The following ZFHX3 variants were observed in gnomAD, a reference collection of about 807,000 sequenced individuals.
ZFHX3 encodes the protein zinc finger homeobox 3, also known as zinc finger homeobox protein 3.
In ZFHX3, 42 loss-of-function variants were observed where a neutral mutation model predicts 279.1. That is an observed-to-expected ratio of 0.15 (90% CI 0.12 to 0.19). ZFHX3 has a LOEUF of 0.19. Among genes scored for constraint, ZFHX3 ranks in the 10% least tolerant of loss-of-function variants. The pLI, the probability that ZFHX3 is intolerant of heterozygous loss-of-function variation, is 1.00. For synonymous variants in ZFHX3, 2,293 were observed against 1,957.8 expected (o/e 1.17, Z -4.52); for missense variants, 4,981 against 4,754.0 (o/e 1.05, Z -1.40).
At chr16:73,840,673 T>C (rs1961279974) in intron 1 of ZFHX3, among the ~76,000 whole-genome samples, 1 of 152,170 alleles carries the variant, frequency 6.6e-6, no homozygotes, top group Non-Finnish European at 1.5e-5. Context: ...CACTGTACAG[T>C]TGTGGTTCTC....
chr16:73,268,518 T>C (rs1449347485), intron 4 of ZFHX3, among the ~76,000 whole-genome samples: 1 of 152,252 alleles, frequency 6.6e-6, no homozygotes, highest in African/African-American at 2.4e-5. Flanking sequence ...TGAATGGCTC[T>C]GGCATCTGTT....
chr16:73,786,015 C>A lies in ZFHX3; in HGVS notation c.-1608+105636G>T, dbSNP rs541200391. Among the ~76,000 whole-genome samples, 4 of 152,206 alleles carry A rather than the reference C, an allele frequency of 2.6e-5. No individual in the cohort carries two copies. The East Asian group carries it at 7.8e-4, about 30-fold the overall frequency. ...CCTTCTGAGTAGGTGGGATTACAGGCATGCACCACCACACTTGGCTAATTT... is the reference window on the plus strand; with the variant it reads ...CCTTCTGAGTAGGTGGGATTACAGGAATGCACCACCACACTTGGCTAATTT... On this transcript the variant is annotated intron_variant, in intron 1 of 17. Transcript: ENST00000641206.
At chr16:73,627,289 G>T (rs2052426101) in intron 2 of ZFHX3, among the ~76,000 whole-genome samples, 1 of 152,164 alleles carries the variant, frequency 6.6e-6, no homozygotes, top group Non-Finnish European at 1.5e-5. Context: ...AATTGAAGAG[G>T]TTGGCAGCAG....
intron 1 of ZFHX3, among the ~76,000 whole-genome samples, chr16:73,863,898 T>C (rs1487175390): frequency 6.6e-6 from 1 of 152,220 alleles, no homozygotes; most frequent in Non-Finnish European, 1.5e-5. Flanking sequence ...AATATGCATA[T>C]AGTCAAATTT....
At chr16:72,925,608 G>A (rs75805805) in intron 3 of ZFHX3, among the ~76,000 whole-genome samples, 2,093 of 152,328 alleles carry the variant, frequency 0.014, 47 homozygotes, top group East Asian at 0.037. Context: ...ACCCCGTCCC[G>A]TGTCTTTCCC....
chr16:73,348,068 T>C (rs2016154435), intron 3 of ZFHX3, among the ~76,000 whole-genome samples: 1 of 152,188 alleles, frequency 6.6e-6, no homozygotes, highest in African/African-American at 2.4e-5. Context: ...GTGACCTGCT[T>C]CATTCTCACT....
At chr16:73,445,682 A>C (rs1449751908) in intron 3 of ZFHX3, among the ~76,000 whole-genome samples, 2 of 152,150 alleles carry the variant, frequency 1.3e-5, no homozygotes, top group Non-Finnish European at 2.9e-5. Context: ...CAGAAACCCA[A>C]CTTCCAACTT....
At chr16:73,845,337 C>CT (rs2142374026) in intron 1 of ZFHX3, among the ~76,000 whole-genome samples, 1 of 152,270 alleles carries the variant, frequency 6.6e-6, no homozygotes, top group South Asian at 2.1e-4. Context: ...AACTGCCTGT[C>CT]TTTGATATCC....
chr16:73,525,485 T>C (rs1351808787), intron 2 of ZFHX3, among the ~76,000 whole-genome samples: 2 of 152,182 alleles, frequency 1.3e-5, no homozygotes, highest in African/African-American at 4.8e-5. Context: ...ATTCACTTAC[T>C]TAGTTTCAAG....
intron 4 of ZFHX3, among the ~76,000 whole-genome samples, chr16:72,830,708 C>T (rs2037041168): frequency 6.6e-6 from 1 of 152,182 alleles, no homozygotes; most frequent in Non-Finnish European, 1.5e-5. Flanking sequence ...GAATAAGATA[C>T]TCTAGATGCT....
chr16:72,882,795 A>G (rs1423709854), intron 4 of ZFHX3, among the ~76,000 whole-genome samples: 8 of 152,102 alleles, frequency 5.3e-5, no homozygotes. Flanking sequence ...TGGCTCTCAG[A>G]TTTCTTGCCT....
chr16:73,294,637 C>T (rs912957052), intron 4 of ZFHX3, among the ~76,000 whole-genome samples: 11 of 151,512 alleles, frequency 7.3e-5, no homozygotes, highest in Non-Finnish European at 7.4e-5. Context: ...ATGGTGAAAC[C>T]CTGTCTCTAC....
chr16:73,211,460 A>G (rs1360130411), intron 5 of ZFHX3, among the ~76,000 whole-genome samples: 3 of 152,202 alleles, frequency 2.0e-5, no homozygotes, highest in Non-Finnish European at 4.4e-5. Context: ...AAAGAGGCAA[A>G]GCACAGGGTA....
At position 73,777,019 on chromosome 16, in the gene ZFHX3, T is replaced by A. The variant is rs78901129; in HGVS notation, c.-1607-96779A>T. ...TAGGATTACTCTTCATCTTCTCCCA[T>A]GAACGTAGAGGAGGTATTGCATTCC... On this transcript the variant is annotated intron_variant, in intron 1 of 17. Coordinates refer to the ZFHX3 transcript ENST00000641206. Among the ~76,000 whole-genome samples the A allele has an allele frequency of 7.8e-3, 1,194 of 152,316 alleles. 16 individuals are homozygous for A. The highest frequency in any genetic ancestry group is 0.027 in the African/African-American group (1,143 of 41,566).
intron 2 of ZFHX3, among the ~76,000 whole-genome samples, chr16:73,470,696 T>C (rs929438672): frequency 6.6e-6 from 1 of 152,186 alleles, no homozygotes; most frequent in Non-Finnish European, 1.5e-5. Context: ...AAATTCCACT[T>C]TCAACAGATA....
In ZFHX3 at chr16:72,796,899, T is replaced by C. The variant is rs2143441239; in HGVS notation, c.5783A>G (p.Glu1928Gly). 1.9e-6 allele frequency: 3 copies of C among 1,613,794 alleles called. No individual in the cohort carries two copies. Among genetic ancestry groups the C allele is most frequent in the Non-Finnish European group, 2.5e-6 (3 of 1,179,988 alleles). The change falls in exon 9 of 10, where the codon GAG (glutamate) becomes GGG (glycine). Residue 1928 changes from glutamate (E) to glycine (G), a missense_variant. Physicochemically the swap from Glu to Gly is moderately conservative, Grantham distance 98. Coordinates refer to ENST00000268489, the MANE Select transcript of ZFHX3 (RefSeq NM_006885.4). ...KKELAPGGGS[E>G]PSMLPPRIAS... is the part of the protein sequence containing the mutation. ...AATGCGTGGAGGGAGCATGGAAGGC[T>C]CAGAACCACCCCCTGGTGCCAACTC... is the stretch of plus-strand genomic sequence containing the variant.
intron 5 of ZFHX3, among the ~76,000 whole-genome samples, chr16:73,186,377 C>T (rs1422719705): frequency 6.6e-6 from 1 of 151,946 alleles, no homozygotes; most frequent in Non-Finnish European, 1.5e-5. Context: ...TGAATAGAAC[C>T]CCCCTCACCT....
intron 2 of ZFHX3, among the ~76,000 whole-genome samples, chr16:73,548,583 T>C (rs2020158807): frequency 1.3e-5 from 2 of 152,126 alleles, no homozygotes; most frequent in African/African-American, 2.4e-5. Flanking sequence ...CTTCACTCTT[T>C]TGTTAGAAAT....
intron 4 of ZFHX3, among the ~76,000 whole-genome samples, chr16:73,286,504 C>G (rs558815951): frequency 6.6e-6 from 1 of 152,096 alleles, no homozygotes; most frequent in Non-Finnish European, 1.5e-5. Context: ...TTCCAGACCC[C>G]GGTCTCCTTG....
Sources: allele counts gnomAD v4.1 joint callset (sites outside exome capture counted in the v4.1 genomes callset), GRCh38; gene constraint gnomAD v4.1.1; transcripts MANE v1.5; gene names NCBI Gene and HGNC (gene_info 2026-07-23, HGNC 2026-07-21).